MMRN2: variants seen among roughly 807,000 people sequenced by gnomAD.
The protein encoded by MMRN2 is multimerin 2.
MMRN2 carries 53 observed loss-of-function variants against 68.8 expected under a neutral mutation model. That is an observed-to-expected ratio of 0.77 (90% CI 0.62 to 0.97). The LOEUF is 0.97. MMRN2 is among the 50% of genes least tolerant of loss of function. The pLI is 0.00. For synonymous variants in MMRN2, 564 were observed against 551.6 expected (o/e 1.02, Z -0.32); for missense variants, 1,266 against 1,259.5 (o/e 1.01, Z -0.08).
intron 1 of MMRN2, among the ~76,000 whole-genome samples, chr10:86,947,686 G>A (rs1342139754): frequency 2.0e-5 from 3 of 151,986 alleles, no homozygotes; most frequent in Non-Finnish European, 4.4e-5. Flanking sequence ...ACCATATTTT[G>A]AGTGCTGAGT....
chr10:86,947,298 C>T (rs1844083545), intron 1 of MMRN2, among the ~76,000 whole-genome samples: 1 of 151,972 alleles, frequency 6.6e-6, no homozygotes, highest in African/African-American at 2.4e-5. Context: ...TGGAGCCGGT[C>T]TTTGTCCTGG....
chr10:86,943,968 G>A lies in MMRN2; in HGVS notation c.816C>T (p.Ala272=), dbSNP rs553145176. ...LSLDVEANRQ[A]ISRVQDSAVA... is the part of the protein sequence containing the mutation. ...CGGCACTGTCCTGGACTCTGGAGATGGCCTGGCGGTTGGCCTCCACGTCAA... is the reference window on the plus strand; with the variant it reads ...CGGCACTGTCCTGGACTCTGGAGATAGCCTGGCGGTTGGCCTCCACGTCAA... Residue 272 remains alanine (A), a synonymous_variant, in exon 6 of 7, where the codon GCC becomes GCT. Transcript: ENST00000372027. This position sits in a 1 kb window ranked among gnomAD's most constrained non-coding sequence, Gnocchi z 4.2. 2 of 1,614,194 alleles carry A rather than the reference G, an allele frequency of 1.2e-6. No homozygotes were observed. Among genetic ancestry groups the A allele is most frequent in the Admixed American group, 3.3e-5 (2 of 60,028 alleles).
intron 1 of MMRN2, among the ~76,000 whole-genome samples, chr10:86,946,972 G>T (rs988247563): frequency 6.6e-6 from 1 of 152,172 alleles, no homozygotes; most frequent in Non-Finnish European, 1.5e-5. Flanking sequence ...GGTGAGGAAG[G>T]GGCTGCAGAA....
chr10:86,942,622 GC>G lies in MMRN2; in HGVS notation c.2161del (p.Ala721ProfsTer57), dbSNP rs760279070. The G allele has an allele frequency of 6.2e-7, 1 of 1,604,380 alleles. No homozygotes were observed. The highest frequency in any genetic ancestry group is 8.5e-7 in the Non-Finnish European group (1 of 1,179,540). On this transcript the variant is annotated frameshift_variant, in exon 6 of 7. Transcript: ENST00000372027. LOFTEE classifies it high-confidence loss of function. ...VGRCCEAEAG[A>X]GAASLNASLH... Reference sequence around the variant, plus strand: ...GGAGGCGTTGAGGGAGGCGGCCCCGGCCCCGGCCTCGGCCTCGCAGCACCGC... The same window carrying G: ...GGAGGCGTTGAGGGAGGCGGCCCCGGCCCGGCCTCGGCCTCGCAGCACCGC...
In MMRN2 at chr10:86,937,135, A is replaced by G. The variant is rs1843892453; in HGVS notation, c.2468-10T>C. 6.2e-7 allele frequency: 1 copy of G among 1,613,208 alleles called. No homozygotes were observed. The highest frequency in any genetic ancestry group is 1.7e-5 in the Admixed American group (1 of 59,984). On this transcript the variant is annotated splice_polypyrimidine_tract_variant and intron_variant, in intron 6 of 6. Coordinates refer to ENST00000372027, the MANE Select transcript of MMRN2 (RefSeq NM_024756.3). Reference sequence around the variant, plus strand: ...AAGGCCACAGGGGATCCTGAAACATAACAGGACAGTGCTTAGTGATTCATC... The same window carrying G: ...AAGGCCACAGGGGATCCTGAAACATGACAGGACAGTGCTTAGTGATTCATC...
intron 6 of MMRN2, among the ~76,000 whole-genome samples, chr10:86,942,054 G>T (rs1445546228): frequency 6.6e-6 from 1 of 152,150 alleles, no homozygotes; most frequent in Non-Finnish European, 1.5e-5. Flanking sequence ...CGGCACTATT[G>T]TGCCTGTGGC....
chr10:86,944,546 T>C, intron 4 of MMRN2, 111 bp from the exon 5 acceptor site: 5 of 1,220,854 alleles, frequency 4.1e-6, no homozygotes, highest in Admixed American at 2.1e-5. Flanking sequence ...TAGCTGCTGA[T>C]GTCCTCTGAG....
Position 86,936,506 on chromosome 10 carries a change from G to A in MMRN2, c.*237C>T. 1.7e-6 allele frequency: 1 copy of A among 580,812 alleles called. No homozygotes were observed. The highest frequency in any genetic ancestry group is 2.8e-5 in the East Asian group (1 of 36,056). The allele number at this position is 580,812 out of a possible 1,614,324, so 36.0% of individuals were successfully genotyped here. A position where few individuals can be genotyped will look rare whatever the true frequency, so the allele number is the denominator to read the frequency against. ...GTCTGAGAAGGCATGCCAAGCCAAG[G>A]TTCAGGCTTCCTAGGACCATGTCCT... On this transcript the variant is annotated 3_prime_UTR_variant, in exon 7 of 7. Transcript: ENST00000372027.
chr10:86,937,659 G>A (rs12416354), intron 6 of MMRN2, among the ~76,000 whole-genome samples: 2,087 of 152,254 alleles, frequency 0.014, 139 homozygotes, highest in Admixed American at 0.12. Flanking sequence ...GACAAAACAG[G>A]TTGAATCCTT....
intron 6 of MMRN2, among the ~76,000 whole-genome samples, chr10:86,938,884 C>A (rs1192045972): frequency 6.6e-6 from 1 of 152,240 alleles, no homozygotes; most frequent in East Asian, 1.9e-4. Context: ...TCAAATCAGC[C>A]GGGCGCAGTG....
chr10:86,946,117 C>T (rs1442682279), intron 1 of MMRN2, among the ~76,000 whole-genome samples: 1 of 152,250 alleles, frequency 6.6e-6, no homozygotes, highest in African/African-American at 2.4e-5. Context: ...CTCCTGCTAC[C>T]AACGTGCAGC....
In MMRN2 at chr10:86,944,439, A is replaced by C; in HGVS notation, c.482-4T>G. The C allele has an allele frequency of 3.7e-6, 6 of 1,613,302 alleles. No homozygotes were observed. The highest frequency in any genetic ancestry group is 5.1e-6 in the Non-Finnish European group (6 of 1,179,970). The stretch of plus-strand genomic sequence containing the variant: ...TTGATCACTGCAGCAAGGTGGCCTA[A>C]ATACACAGCAGACATAAATGTCAAG... On this transcript the variant is annotated splice_region_variant and splice_polypyrimidine_tract_variant and intron_variant, in intron 4 of 6. Coordinates refer to ENST00000372027, the MANE Select transcript of MMRN2 (RefSeq NM_024756.3).
At chr10:86,945,299 A>T (rs1448172034) in intron 3 of MMRN2, 31 bp from the exon 4 acceptor site, 1 of 1,611,724 alleles carries the variant, frequency 6.2e-7, no homozygotes, top group Non-Finnish European at 8.5e-7. Flanking sequence ...TATTGACCCC[A>T]GTGGTCAGAG....
In MMRN2 at chr10:86,943,988, C is replaced by T. The variant is rs200581114; in HGVS notation, c.796G>A (p.Val266Met). The stretch of plus-strand genomic sequence containing the variant: ...GAGATGGCCTGGCGGTTGGCCTCCA[C>T]GTCAAGAGACAGGTTTCTTATGGCC... ...TQAIRNLSLD[V>M]EANRQAISRV... The change falls in exon 6 of 7, where the codon GTG (valine) becomes ATG (methionine). Residue 266 changes from valine (V) to methionine (M), a missense_variant. Coordinates refer to ENST00000372027, the MANE Select transcript of MMRN2 (RefSeq NM_024756.3). This position sits in a 1 kb window ranked among gnomAD's most constrained non-coding sequence, Gnocchi z 4.2. The T allele has an allele frequency of 2.2e-5, 35 of 1,614,138 alleles. 1 individual carries two copies. Among genetic ancestry groups the T allele is most frequent in the South Asian group, 8.8e-5 (8 of 91,088 alleles).
chr10:86,937,411 C>T (rs1201910172), intron 6 of MMRN2, among the ~76,000 whole-genome samples: 1 of 151,726 alleles, frequency 6.6e-6, no homozygotes, highest in Non-Finnish European at 1.5e-5. Flanking sequence ...CACTCTGTCT[C>T]CCAGGCTGGA....
At chr10:86,950,917 C>T (rs1340624303) in intron 1 of MMRN2, among the ~76,000 whole-genome samples, 1 of 152,232 alleles carries the variant, frequency 6.6e-6, no homozygotes, top group Admixed American at 6.5e-5. Context: ...CGTGCACATG[C>T]ATTTGCTTTG....
chr10:86,939,410 C>T (rs547058169), intron 6 of MMRN2, among the ~76,000 whole-genome samples: 83 of 136,002 alleles, frequency 6.1e-4, no homozygotes, highest in African/African-American at 2.2e-3. Flanking sequence ...TGCAGTGAGC[C>T]GAGATCGTGC....
chr10:86,937,709 C>T (rs1418680126), intron 6 of MMRN2, among the ~76,000 whole-genome samples: 1 of 152,182 alleles, frequency 6.6e-6, no homozygotes, highest in Non-Finnish European at 1.5e-5. Context: ...AAATGGCAGG[C>T]TGGGACAGGA....
chr10:86,942,747 C>T lies in MMRN2; in HGVS notation c.2037G>A (p.Glu679=). 7.2e-7 allele frequency: 1 copy of T among 1,394,360 alleles called. No individual in the cohort carries two copies. Among genetic ancestry groups the T allele is most frequent in the Non-Finnish European group, 9.2e-7 (1 of 1,082,144 alleles). The allele number at this position is 1,394,360 out of a possible 1,614,324, so 86.4% of individuals were successfully genotyped here. The part of the protein sequence containing the change: ...SEPPRPAEHL[E]PSHDAGREEA... Reference sequence around the variant, plus strand: ...CCTCGCGGCCCGCGTCGTGGCTGGGCTCCAGGTGCTCTGCCGGCCGCGGGG... The same window carrying T: ...CCTCGCGGCCCGCGTCGTGGCTGGGTTCCAGGTGCTCTGCCGGCCGCGGGG... Residue 679 remains glutamate, a synonymous_variant, in exon 6 of 7, where the codon GAG becomes GAA. Coordinates refer to ENST00000372027, the MANE Select transcript of MMRN2 (RefSeq NM_024756.3).
Sources: allele counts gnomAD v4.1 joint callset (sites outside exome capture counted in the v4.1 genomes callset), GRCh38; gene constraint gnomAD v4.1.1; non-coding constraint Gnocchi (gnomAD v3.1); transcripts MANE v1.5; gene names NCBI Gene and HGNC (gene_info 2026-07-23, HGNC 2026-07-21).